The following LAMA4 variants were observed in gnomAD, a reference collection of about 807,000 sequenced individuals.
LAMA4 encodes laminin subunit alpha-4.
LAMA4 carries 127 observed loss-of-function variants against 207.1 expected under a neutral mutation model. The observed-to-expected ratio is 0.61, with a 90% CI of 0.53 to 0.71. LAMA4 has a LOEUF of 0.71. Ranked by LOEUF, LAMA4 falls within the 30% of genes least tolerant of loss-of-function variation. LAMA4 has a pLI of 0.00. For synonymous variants in LAMA4, 761 were observed against 816.0 expected, an observed-to-expected ratio of 0.93 and a Z score of 1.15; for missense variants, 2,093 against 2,246.5, an observed-to-expected ratio of 0.93 and a Z score of 1.38.
chr6:112,243,927 G>A lies in LAMA4; in HGVS notation c.195+10029C>T, dbSNP rs138413832. Among the ~76,000 whole-genome samples the A allele has an allele frequency of 6.1e-3, 931 of 152,166 alleles. 8 individuals are homozygous for A. Among genetic ancestry groups the A allele is most frequent in the South Asian group, 0.033 (160 of 4,820 alleles). ...ACAAAAATTAGCTGGGCATGGTGGC[G>A]GGTGCCTGTAATCCCTGCTATTCAG... On this transcript the variant is annotated intron_variant, in intron 2 of 38. Coordinates refer to ENST00000230538, the MANE Select transcript of LAMA4 (RefSeq NM_001105206.3).
intron 14 of LAMA4, among the ~76,000 whole-genome samples, 193 bp downstream of exon 14, chr6:112,158,539 A>AGC (rs1780859070): frequency 7.0e-6 from 1 of 142,564 alleles, no homozygotes; most frequent in African/African-American, 2.7e-5. Flanking sequence ...TCTCAGATGG[A>AGC]ACAACCAACC....
chr6:112,240,718 G>A (rs1786354810), intron 2 of LAMA4, among the ~76,000 whole-genome samples: 1 of 152,064 alleles, frequency 6.6e-6, no homozygotes, highest in Non-Finnish European at 1.5e-5. Flanking sequence ...GCAGATGGCT[G>A]GATCTCATTT....
At chr6:112,206,091 G>A (rs73542521) in intron 4 of LAMA4, among the ~76,000 whole-genome samples, 8,336 of 152,214 alleles carry the variant, frequency 0.055, 721 homozygotes, top group African/African-American at 0.19. Flanking sequence ...CAAACTGACA[G>A]TCATAAGCAT....
intron 15 of LAMA4, chr6:112,155,203 C>G (rs896336855): frequency 2.6e-5 from 15 of 585,524 alleles, no homozygotes; most frequent in Middle Eastern, 4.5e-4. Flanking sequence ...CACCAAAGTG[C>G]TTGCCACATA....
Position 112,117,646 on chromosome 6 carries a change from T to A in LAMA4, c.4981+93A>T. On this transcript the variant is annotated intron_variant, in intron 35 of 38. Transcript: ENST00000230538. This position sits in a 1 kb window ranked among gnomAD's most constrained non-coding sequence, Gnocchi z 4.5. ...CATCTTCTAGGGCTGAGTTTGGCAT[T>A]CTTAAGTTTTAACTCTGGGCCTGAT... The A allele has an allele frequency of 7.7e-7, 1 of 1,292,710 alleles. No homozygotes were observed. The highest frequency in any genetic ancestry group is 1.2e-5 in the South Asian group (1 of 83,698). 80.1% of individuals were successfully genotyped at this position (1,292,710 alleles called of 1,614,324 possible). A position where few individuals can be genotyped will look rare whatever the true frequency, so the allele number is the denominator to read the frequency against.
At chr6:112,155,450 C>G in intron 15 of LAMA4, 115 bp downstream of exon 15, 1 of 1,198,746 alleles carries the variant, frequency 8.3e-7, no homozygotes. Flanking sequence ...GTTCCCCTGC[C>G]TTTTCCACTC....
chr6:112,189,775 G>T (rs978180937), intron 6 of LAMA4, among the ~76,000 whole-genome samples: 1 of 152,148 alleles, frequency 6.6e-6, no homozygotes, highest in African/African-American at 2.4e-5. Flanking sequence ...ATAATGTGCT[G>T]CAAGGAATCA....
intron 2 of LAMA4, among the ~76,000 whole-genome samples, chr6:112,225,767 A>G (rs1175239868): frequency 1.3e-5 from 2 of 152,214 alleles, no homozygotes. Context: ...AAGTTTACAT[A>G]TTTGTTATAT....
chr6:112,212,917 A>C (rs1046295515), intron 3 of LAMA4, among the ~76,000 whole-genome samples: 1 of 152,226 alleles, frequency 6.6e-6, no homozygotes, highest in Non-Finnish European at 1.5e-5. Context: ...AATAGAGTTC[A>C]AAAATCATGA....
intron 2 of LAMA4, among the ~76,000 whole-genome samples, chr6:112,221,980 A>T (rs1479919025): frequency 5.3e-5 from 8 of 152,214 alleles, no homozygotes; most frequent in African/African-American, 1.9e-4. Context: ...GAATATCTGA[A>T]ATGGCAAGCA....
chr6:112,213,629 C>T (rs1485811956), intron 3 of LAMA4: 1 of 163,470 alleles, frequency 6.1e-6, no homozygotes, highest in Non-Finnish European at 1.3e-5. Context: ...AATCTCTTTG[C>T]TTGCTTGATA....
intron 2 of LAMA4, among the ~76,000 whole-genome samples, chr6:112,251,934 T>A (rs1468923892): frequency 6.6e-6 from 1 of 152,148 alleles, no homozygotes; most frequent in Non-Finnish European, 1.5e-5. Flanking sequence ...TACGTGACAT[T>A]TTTTTTCCAG....
chr6:112,206,510 G>C (rs1347875389), intron 4 of LAMA4, among the ~76,000 whole-genome samples: 1 of 152,058 alleles, frequency 6.6e-6, no homozygotes, highest in Non-Finnish European at 1.5e-5. Context: ...TACTCATTCA[G>C]GTCAAAACGT....
In LAMA4 at chr6:112,144,871, G is replaced by A. The variant is rs373382793; in HGVS notation, c.2416C>T (p.Arg806Ter). 9 of 1,613,834 alleles carry A rather than the reference G, an allele frequency of 5.6e-6. No homozygotes were observed. Among genetic ancestry groups the A allele is most frequent in the Admixed American group, 1.7e-5 (1 of 60,006 alleles). Residue 806 changes from arginine (R) to a stop codon, truncating the protein, a stop_gained, in exon 19 of 39, where the codon CGA becomes TGA. Coordinates refer to ENST00000230538, the MANE Select transcript of LAMA4 (RefSeq NM_001105206.3). LOFTEE classifies it high-confidence loss of function. ...LDQLRTVEQK[R>*]PASNVSASIQ... ...CTGGCAGAAACGTTGCTTGCAGGTC[G>A]CTTCTGCTCAACCGTACGAAGCTGA... is the stretch of plus-strand genomic sequence containing the variant.
chr6:112,147,378 T>A (rs1780091628), intron 18 of LAMA4, among the ~76,000 whole-genome samples: 1 of 152,228 alleles, frequency 6.6e-6, no homozygotes, highest in Non-Finnish European at 1.5e-5. Flanking sequence ...ATAAAATTTG[T>A]ACTGACAGAT....
chr6:112,241,254 C>G (rs1184144134), intron 2 of LAMA4, among the ~76,000 whole-genome samples: 1 of 145,218 alleles, frequency 6.9e-6, no homozygotes, highest in African/African-American at 2.5e-5. Context: ...TATATATACA[C>G]ATTCAGAAAT....
Position 112,140,778 on chromosome 6 carries a change from TCCA to T in LAMA4, c.2955_2957del (p.Gly986del). 6.2e-7 allele frequency: 1 copy of T among 1,613,994 alleles called. No homozygotes were observed. The highest frequency in any genetic ancestry group is 1.3e-5 in the African/African-American group (1 of 75,012). ...GGCTGACCTTGAAGTTGGAAGGCAC[TCCA>T]CCAACATAAAACACTGTGTCCTCAG... is the stretch of plus-strand genomic sequence containing the variant. On this transcript the variant is annotated inframe_deletion, in exon 22 of 39. Transcript: ENST00000230538.
At position 112,114,066 on chromosome 6, in the gene LAMA4, C is replaced by T. The variant is rs781991737; in HGVS notation, c.5326+10G>A. 3 of 1,613,770 alleles carry T rather than the reference C, an allele frequency of 1.9e-6. No individual in the cohort carries two copies. The South Asian group carries it at 3.3e-5, about 18-fold the overall frequency. On this transcript the variant is annotated intron_variant, in intron 38 of 38. Coordinates refer to ENST00000230538, the MANE Select transcript of LAMA4 (RefSeq NM_001105206.3). ...GGATTGGGAACTTTTCCTTTTTAAA[C>T]AACACTTACCTGGAACACCTCCAAC...
chr6:112,125,057 C>T (rs1554327173), intron 31 of LAMA4, among the ~76,000 whole-genome samples: 2 of 152,084 alleles, frequency 1.3e-5, no homozygotes, highest in African/African-American at 4.8e-5. Context: ...ACCTGGCCAT[C>T]TTAAACAATC....
Sources: allele counts gnomAD v4.1 joint callset (sites outside exome capture counted in the v4.1 genomes callset), GRCh38; gene constraint gnomAD v4.1.1; non-coding constraint Gnocchi (gnomAD v3.1); transcripts MANE v1.5; gene names NCBI Gene and HGNC (gene_info 2026-07-23, HGNC 2026-07-21).